Variants in LARGE1 observed in about 807,000 individuals in gnomAD.
LARGE1 encodes the protein LARGE xylosyl- and glucuronyltransferase 1, also known as xylosyl- and glucuronyltransferase LARGE1.
In LARGE1, 43 loss-of-function variants were observed where a neutral mutation model predicts 87.6. The ratio of observed to expected loss-of-function variants is 0.49; its 90% CI spans 0.38 to 0.63. The LOEUF is 0.63. LARGE1 is among the 30% of genes least tolerant of loss of function. The pLI is 0.00. For missense variants in LARGE1, 802 were observed against 1,000.2 expected (o/e 0.80, Z 2.67); for synonymous variants, 434 against 394.6 (o/e 1.10, Z -1.18).
At chr22:33,104,153 C>T in the LARGE1 span, among the ~76,000 whole-genome samples, 2 of 152,132 alleles carry the variant, frequency 1.3e-5, no homozygotes, top group Non-Finnish European at 2.9e-5. Flanking sequence ...TGATTTCAGC[C>T]TTGTGAGACC....
chr22:33,514,852 G>C (rs1343955989), intron 6 of LARGE1, among the ~76,000 whole-genome samples: 1 of 152,118 alleles, frequency 6.6e-6, no homozygotes, highest in Non-Finnish European at 1.5e-5. Flanking sequence ...GAAGGGGACA[G>C]CCAAGGCCCA....
intron 11 of LARGE1, among the ~76,000 whole-genome samples, chr22:33,252,261 C>T (rs1010313399): frequency 2.1e-5 from 3 of 143,162 alleles, no homozygotes; most frequent in East Asian, 2.2e-4. Context: ...TCCCCCCCCC[C>T]CCGCCATTTT....
chr22:33,761,905 C>T (rs1191156494), intron 1 of LARGE1, among the ~76,000 whole-genome samples: 2 of 152,100 alleles, frequency 1.3e-5, no homozygotes, highest in Non-Finnish European at 2.9e-5. Flanking sequence ...GTATGAACCA[C>T]GTGCTGTGTT....
intron 1 of LARGE1, among the ~76,000 whole-genome samples, chr22:33,875,424 G>A (rs2146711370): frequency 6.6e-6 from 1 of 152,224 alleles, no homozygotes; most frequent in East Asian, 1.9e-4. Context: ...TCTTGACTGG[G>A]GAACCATGGG....
chr22:33,920,899 G>GGGC (rs2065929111), upstream of LARGE1, among the ~76,000 whole-genome samples: 1 of 147,306 alleles, frequency 6.8e-6, no homozygotes, highest in African/African-American at 2.4e-5. Flanking sequence ...GGCCAGGAGT[G>GGGC]GGCCGCCGCG....
chr22:33,581,658 A>G (rs932553727), intron 5 of LARGE1, among the ~76,000 whole-genome samples: 3 of 151,834 alleles, frequency 2.0e-5, no homozygotes, highest in African/African-American at 7.3e-5. Context: ...CTAAAAATAC[A>G]AAAATTAGCC....
At chr22:33,706,798 A>G (rs78606118) in intron 2 of LARGE1, among the ~76,000 whole-genome samples, 1,613 of 152,290 alleles carry the variant, frequency 0.011, 34 homozygotes, top group African/African-American at 0.037. Flanking sequence ...TCAGGCAGGT[A>G]CAATCTCAAA....
the LARGE1 span, among the ~76,000 whole-genome samples, chr22:33,113,658 T>C: frequency 6.6e-6 from 1 of 152,244 alleles, no homozygotes; most frequent in African/African-American, 2.4e-5. Context: ...TTAATCTCCC[T>C]ATGCCTCAGT....
chr22:33,366,401 G>A (rs886413244), intron 9 of LARGE1, among the ~76,000 whole-genome samples: 1 of 152,184 alleles, frequency 6.6e-6, no homozygotes, highest in African/African-American at 2.4e-5. Flanking sequence ...GAATGAGCAC[G>A]TAATTTTGTC....
intron 7 of LARGE1, 92 bp downstream of exon 7, chr22:33,432,069 C>T: frequency 1.9e-6 from 2 of 1,042,140 alleles, no homozygotes; most frequent in Non-Finnish European, 3.0e-6. Flanking sequence ...GTGGCCTCCT[C>T]CTGAGCTTTT....
the LARGE1 span, among the ~76,000 whole-genome samples, chr22:33,152,472 G>A: frequency 6.6e-6 from 1 of 152,174 alleles, no homozygotes; most frequent in African/African-American, 2.4e-5. Flanking sequence ...GCTCACATTG[G>A]ATCACACCAG....
chr22:33,286,375 T>C (rs1456582606), intron 12 of LARGE1, among the ~76,000 whole-genome samples: 1 of 152,128 alleles, frequency 6.6e-6, no homozygotes, highest in Non-Finnish European at 1.5e-5. Flanking sequence ...GTGGGATATA[T>C]GGATCTAAAG....
intron 5 of LARGE1, among the ~76,000 whole-genome samples, chr22:33,567,511 A>G (rs1400442690): frequency 1.3e-5 from 2 of 152,214 alleles, no homozygotes; most frequent in Non-Finnish European, 1.5e-5. Context: ...GCCTGGATTT[A>G]GATTCTAGTA....
At position 33,817,522 on chromosome 22, in the gene LARGE1, G is replaced by C. The variant is rs113363540; in HGVS notation, c.-82-55964C>G. 4.9e-3 allele frequency among the ~76,000 whole-genome samples: 753 copies of C among 152,134 alleles called. 6 individuals are homozygous for C. The highest frequency in any genetic ancestry group is 0.017 in the African/African-American group (698 of 41,492). ...CTGCATACCCAGCACGCTATCCATT[G>C]TTCTCCTGACAGCCAAGCCCAATCC... On this transcript the variant is annotated intron_variant, in intron 1 of 14. Transcript: ENST00000397394.
At chr22:33,496,160 T>C (rs764642312) in intron 6 of LARGE1, among the ~76,000 whole-genome samples, 3 of 152,138 alleles carry the variant, frequency 2.0e-5, no homozygotes, top group Non-Finnish European at 2.9e-5. Flanking sequence ...AAGACTAAAC[T>C]AGTCTAGTCT....
intron 1 of LARGE1, among the ~76,000 whole-genome samples, chr22:33,876,616 G>T (rs1280184799): frequency 6.6e-6 from 1 of 151,758 alleles, no homozygotes; most frequent in African/African-American, 2.4e-5. Context: ...ATGGACACAG[G>T]GAGGAGAACA....
chr22:33,071,424 T>C, the LARGE1 span, among the ~76,000 whole-genome samples: 1 of 152,234 alleles, frequency 6.6e-6, no homozygotes, highest in African/African-American at 2.4e-5. Flanking sequence ...TGTGATGTAT[T>C]GATTCCTGGG....
chr22:33,272,398 G>C (rs997926449), downstream of LARGE1, among the ~76,000 whole-genome samples: 1 of 152,180 alleles, frequency 6.6e-6, no homozygotes, highest in African/African-American at 2.4e-5. Context: ...CTTGGGGATG[G>C]GGACAGAGGA....
chr22:33,183,525 G>A (rs935248116), intron 11 of LARGE1, among the ~76,000 whole-genome samples: 5 of 151,504 alleles, frequency 3.3e-5, no homozygotes, highest in Non-Finnish European at 5.9e-5. Context: ...AGAGATAGTT[G>A]TACCCCTATA....
Sources: gnomAD v4.1 joint callset for allele counts (sites outside exome capture counted in the v4.1 genomes callset) on GRCh38, gnomAD v4.1.1 for gene constraint, MANE v1.5 for transcripts, NCBI Gene and HGNC (gene_info 2026-07-23, HGNC 2026-07-21) for gene names.